The following MAGI1 variants were observed in gnomAD, a reference collection of about 807,000 sequenced individuals.
MAGI1 encodes membrane-associated guanylate kinase, WW and PDZ domain-containing protein 1.
Under a neutral mutation model 139.9 loss-of-function variants are expected in MAGI1, and 58 were observed. The ratio of observed to expected loss-of-function variants is 0.41; its 90% confidence interval spans 0.34 to 0.52. MAGI1 has a LOEUF of 0.52. Among genes scored for constraint, MAGI1 ranks in the 20% least tolerant of loss-of-function variants. MAGI1 has a pLI of 0.12. For missense variants in MAGI1, 1,874 were observed against 1,901.6 expected, an observed-to-expected ratio of 0.99 and a Z score of 0.27; for synonymous variants, 812 against 737.9, an observed-to-expected ratio of 1.10 and a Z score of -1.63.
chr3:65,526,638 T>C (rs563328534), intron 2 of MAGI1, among the ~76,000 whole-genome samples: 2 of 152,276 alleles, frequency 1.3e-5, no homozygotes, highest in South Asian at 4.1e-4. Flanking sequence ...CCCAATTCTC[T>C]CCTCACATGC....
At chr3:65,550,857 G>A (rs1348174891) in intron 2 of MAGI1, among the ~76,000 whole-genome samples, 2 of 152,046 alleles carry the variant, frequency 1.3e-5, no homozygotes, top group African/African-American at 4.8e-5. Flanking sequence ...TGTAGTCCCA[G>A]CTACTTGGGA....
At chr3:65,685,612 A>G (rs1576723940) in intron 1 of MAGI1, among the ~76,000 whole-genome samples, 2 of 152,234 alleles carry the variant, frequency 1.3e-5, no homozygotes, top group South Asian at 4.1e-4. Context: ...ATGTTAATTT[A>G]GAAGTAGCAA....
intron 2 of MAGI1, among the ~76,000 whole-genome samples, chr3:65,516,290 C>T (rs2077873200): frequency 6.6e-6 from 1 of 152,066 alleles, no homozygotes; most frequent in Non-Finnish European, 1.5e-5. Context: ...AGCGATTCCC[C>T]TGCCTCAGCC....
intron 2 of MAGI1, among the ~76,000 whole-genome samples, chr3:65,560,351 T>C (rs1011781915): frequency 3.3e-5 from 5 of 152,186 alleles, no homozygotes; most frequent in Admixed American, 1.3e-4. Flanking sequence ...CTTGAGGGGA[T>C]GGATACTGAT....
At chr3:65,600,608 A>G (rs1261093877) in intron 2 of MAGI1, among the ~76,000 whole-genome samples, 1 of 148,224 alleles carries the variant, frequency 6.7e-6, no homozygotes, top group Non-Finnish European at 1.5e-5. Context: ...TAAAACCAGT[A>G]GGTCCTGGGC....
chr3:65,936,678 G>C (rs908969890), intron 1 of MAGI1, among the ~76,000 whole-genome samples: 3 of 152,078 alleles, frequency 2.0e-5, no homozygotes, highest in African/African-American at 4.8e-5. Flanking sequence ...TTATAGAAGA[G>C]GGCAATCTCC....
At chr3:65,796,066 A>AAAAG (rs1553708546) in intron 1 of MAGI1, among the ~76,000 whole-genome samples, 15 of 143,512 alleles carry the variant, frequency 1.0e-4, no homozygotes, top group South Asian at 6.4e-4. Context: ...AAAAAAAAAA[A>AAAAG]AAAAGAAAAG....
At chr3:65,548,268 A>G (rs1353000852) in intron 2 of MAGI1, among the ~76,000 whole-genome samples, 1 of 152,068 alleles carries the variant, frequency 6.6e-6, no homozygotes, top group Non-Finnish European at 1.5e-5. Flanking sequence ...GGCTCTCACC[A>G]CCTCAGAGGA....
intron 2 of MAGI1, among the ~76,000 whole-genome samples, chr3:65,518,702 T>C (rs1477569267): frequency 6.6e-6 from 1 of 152,090 alleles, no homozygotes; most frequent in African/African-American, 2.4e-5. Flanking sequence ...AAATCCTCTA[T>C]GGTTTCAGCA....
At chr3:65,670,350 A>G (rs1046788198) in intron 1 of MAGI1, among the ~76,000 whole-genome samples, 38 of 151,654 alleles carry the variant, frequency 2.5e-4, no homozygotes, top group African/African-American at 6.3e-4. Context: ...CCATGTGTGT[A>G]TATATATATA....
chr3:65,595,085 T>C (rs1266409860), intron 2 of MAGI1, among the ~76,000 whole-genome samples: 1 of 152,172 alleles, frequency 6.6e-6, no homozygotes, highest in Non-Finnish European at 1.5e-5. Context: ...GGTGTTTAGC[T>C]CCTTTGTAAA....
chr3:65,377,529 TTTC>T (rs764275080), intron 17 of MAGI1, among the ~76,000 whole-genome samples: 1 of 152,224 alleles, frequency 6.6e-6, no homozygotes, highest in African/African-American at 2.4e-5. Flanking sequence ...ATATTTGCTA[TTTC>T]TTTCTAGAAG....
chr3:65,685,624 TA>T (rs1403022872), intron 1 of MAGI1, among the ~76,000 whole-genome samples: 1 of 152,176 alleles, frequency 6.6e-6, no homozygotes, highest in Non-Finnish European at 1.5e-5. Context: ...AAGTAGCAAA[TA>T]AATACATCTT....
chr3:65,675,972 G>C (rs1359995645), intron 1 of MAGI1, among the ~76,000 whole-genome samples: 2 of 152,156 alleles, frequency 1.3e-5, no homozygotes, highest in African/African-American at 4.8e-5. Flanking sequence ...ACGACTTTAA[G>C]CTACCCTATA....
At chr3:65,842,284 A>G (rs1030888551) in intron 1 of MAGI1, among the ~76,000 whole-genome samples, 1 of 152,132 alleles carries the variant, frequency 6.6e-6, no homozygotes, top group African/African-American at 2.4e-5. Flanking sequence ...AAGATTATTT[A>G]ATCAAGTAAA....
At chr3:65,949,141 C>G (rs2063676577) in intron 1 of MAGI1, among the ~76,000 whole-genome samples, 1 of 152,202 alleles carries the variant, frequency 6.6e-6, no homozygotes, top group Admixed American at 6.5e-5. Context: ...TTTATTCACT[C>G]CACTTATTAA....
rs148395982 is a variant in MAGI1 at position 65,618,109 on chromosome 3, T to C, written c.430+3863A>G. On this transcript the variant is annotated intron_variant, in intron 2 of 22. Transcript: ENST00000402939. ...AAAAGAAGACTGTGAACTGGTCAGA[T>C]AGATAGGCAGCGAAATAGGAAAAAA... 2.7e-3 allele frequency among the ~76,000 whole-genome samples: 404 copies of C among 152,272 alleles called. 3 individuals carry two copies. The highest frequency in any genetic ancestry group is 3.6e-3 in the Non-Finnish European group (244 of 68,030).
At chr3:65,569,884 A>G (rs936694000) in intron 2 of MAGI1, among the ~76,000 whole-genome samples, 4 of 151,956 alleles carry the variant, frequency 2.6e-5, no homozygotes, top group Non-Finnish European at 5.9e-5. Context: ...CAGAAAAAAA[A>G]AAAAGTTTCA....
Position 65,798,605 on chromosome 3 carries a change from T to C in MAGI1, c.314-176517A>G, listed in dbSNP as rs569106926. Among the ~76,000 whole-genome samples the C allele has an allele frequency of 2.5e-4, 37 of 145,808 alleles. No individual in the cohort carries two copies. In the South Asian group the frequency reaches 8.1e-3, roughly 32 times the overall value. The stretch of plus-strand genomic sequence containing the variant: ...CTTAAACTTCGCAGATTCATGCTGA[T>C]TGCAGTCAAAATAAATATTCCCAGG... On this transcript the variant is annotated intron_variant, in intron 1 of 22. Transcript: ENST00000402939.
Sources: allele counts gnomAD v4.1 joint callset (sites outside exome capture counted in the v4.1 genomes callset), GRCh38; gene constraint gnomAD v4.1.1; transcripts MANE v1.5; gene names NCBI Gene and HGNC (gene_info 2026-07-23, HGNC 2026-07-21).